The following CUX1 variants were observed in gnomAD, a reference collection of about 807,000 sequenced individuals.
CUX1 encodes the protein protein CASP.
In CUX1, 31 loss-of-function variants were observed where a neutral mutation model predicts 158.8. The observed-to-expected ratio is 0.20, with a 90% CI of 0.15 to 0.26. The LOEUF is 0.26. Ranked by LOEUF, CUX1 falls within the 10% of genes least tolerant of loss-of-function variation. The probability of loss-of-function intolerance (pLI) is 1.00; values close to 1 mark genes in which losing one functional copy is unlikely to be tolerated. For missense variants in CUX1, 1,589 were observed against 2,014.6 expected (o/e 0.79, Z 4.04); for synonymous variants, 879 against 862.1 (o/e 1.02, Z -0.34).
At chr7:101,984,149 T>C (rs1377201123) in intron 2 of CUX1, among the ~76,000 whole-genome samples, 1 of 47,168 alleles carries the variant, frequency 2.1e-5, no homozygotes, top group Non-Finnish European at 6.1e-5. Flanking sequence ...CATATATATA[T>C]GTGTGTGTGT....
intron 17 of CUX1, 68 bp downstream of exon 17, chr7:102,200,240 T>G: frequency 7.7e-7 from 1 of 1,296,386 alleles, no homozygotes; most frequent in Non-Finnish European, 1.1e-6. Context: ...AGTGCTCTGG[T>G]CAGCAGTAAT....
At chr7:102,037,374 C>T (rs1305113882) in intron 3 of CUX1, among the ~76,000 whole-genome samples, 3 of 126,364 alleles carry the variant, frequency 2.4e-5, no homozygotes, top group African/African-American at 6.1e-5. Context: ...TTTTTTGAGA[C>T]GGAGTTTTGT....
intron 1 of CUX1, among the ~76,000 whole-genome samples, chr7:101,908,095 G>A (rs1802961499): frequency 6.6e-6 from 1 of 152,152 alleles, no homozygotes; most frequent in Non-Finnish European, 1.5e-5. Context: ...TTCCCTCCCT[G>A]GTATGGATAC....
chr7:101,888,851 A>T (rs752244670), intron 1 of CUX1, among the ~76,000 whole-genome samples: 3 of 152,030 alleles, frequency 2.0e-5, no homozygotes, highest in Non-Finnish European at 4.4e-5. Flanking sequence ...CGGCCTCCCA[A>T]AGTGCCGGAA....
At chr7:102,108,060 A>T (rs1402822032) in intron 6 of CUX1, among the ~76,000 whole-genome samples, 2 of 152,208 alleles carry the variant, frequency 1.3e-5, no homozygotes, top group Non-Finnish European at 2.9e-5. Context: ...CCAGTGAGTG[A>T]TCAAGGGGGA....
chr7:102,098,099 C>T (rs991614350), intron 5 of CUX1, among the ~76,000 whole-genome samples: 1 of 152,236 alleles, frequency 6.6e-6, no homozygotes, highest in Non-Finnish European at 1.5e-5. Context: ...TACCTAAAAT[C>T]CAGAGGCACT....
intron 2 of CUX1, among the ~76,000 whole-genome samples, chr7:101,982,803 T>C (rs967044342): frequency 1.3e-5 from 2 of 151,988 alleles, no homozygotes; most frequent in African/African-American, 4.8e-5. Flanking sequence ...ATATGTACCA[T>C]GTTGGTGTGC....
rs1345743872 is a variant in CUX1, at chr7:102,008,666, GC to G, written c.142-19429del. ...CCCAGCCTGTCCTGCTCTGCTGGGG[GC>G]CCACATGCCTGGGGACAAGGCACCT... On this transcript the variant is annotated intron_variant, in intron 2 of 23. Transcript: ENST00000292535. 4.0e-5 allele frequency among the ~76,000 whole-genome samples: 6 copies of G among 151,626 alleles called. No homozygotes were observed. In the South Asian group the frequency reaches 1.3e-3, roughly 32 times the overall value.
chr7:102,217,924 G>A (rs1797417450), intron 20 of CUX1, among the ~76,000 whole-genome samples: 1 of 151,692 alleles, frequency 6.6e-6, no homozygotes, highest in African/African-American at 2.4e-5. Context: ...ATGGTGTCTA[G>A]AGAGAGGGAG....
chr7:101,854,994 C>T (rs938889593), intron 1 of CUX1, among the ~76,000 whole-genome samples: 1 of 152,222 alleles, frequency 6.6e-6, no homozygotes, highest in Non-Finnish European at 1.5e-5. Flanking sequence ...CTCAGCCTCC[C>T]GAAGTGCTGG....
At chr7:101,987,854 A>G (rs187586389) in intron 2 of CUX1, among the ~76,000 whole-genome samples, 4 of 152,352 alleles carry the variant, frequency 2.6e-5, no homozygotes, top group Admixed American at 1.3e-4. Flanking sequence ...TCCTAGAAGA[A>G]AGTCTAAACG....
At chr7:102,212,251 G>A (rs1049364551) in intron 20 of CUX1, among the ~76,000 whole-genome samples, 2 of 152,194 alleles carry the variant, frequency 1.3e-5, no homozygotes, top group Non-Finnish European at 2.9e-5. Flanking sequence ...GGCAGCCAGT[G>A]CTGAGTACCA....
At chr7:102,157,751 G>T (rs1789934239) in intron 8 of CUX1, among the ~76,000 whole-genome samples, 1 of 152,164 alleles carries the variant, frequency 6.6e-6, no homozygotes, top group Admixed American at 6.5e-5. Context: ...TTGCACTCCA[G>T]CCTGGGCGAC....
intron 20 of CUX1, among the ~76,000 whole-genome samples, chr7:102,209,235 A>G (rs544746753): frequency 6.6e-6 from 1 of 152,236 alleles, no homozygotes; most frequent in East Asian, 1.9e-4. Context: ...CCAATTTGCC[A>G]AAAAGGAGAG....
At chr7:102,216,658 CCCA>C (rs1554524867) in intron 20 of CUX1, among the ~76,000 whole-genome samples, 151 of 74,314 alleles carry the variant, frequency 2.0e-3, no homozygotes, top group Non-Finnish European at 4.1e-3. Context: ...CACACACTCT[CCCA>C]CACACACTCA....
chr7:101,900,867 C>T (rs1802068200), intron 1 of CUX1, among the ~76,000 whole-genome samples: 1 of 152,174 alleles, frequency 6.6e-6, no homozygotes, highest in South Asian at 2.1e-4. Flanking sequence ...ACCTCCCATC[C>T]GAACCCCAGA....
intron 1 of CUX1, among the ~76,000 whole-genome samples, chr7:101,820,973 G>A (rs1792406578): frequency 6.6e-6 from 1 of 152,164 alleles, no homozygotes; most frequent in African/African-American, 2.4e-5. Flanking sequence ...TTGCTTACCT[G>A]GACAAAGCAG....
At chr7:102,125,045 G>A (rs1161373834) in intron 8 of CUX1, among the ~76,000 whole-genome samples, 1 of 152,126 alleles carries the variant, frequency 6.6e-6, no homozygotes, top group Non-Finnish European at 1.5e-5. Flanking sequence ...GCCTTCTAAA[G>A]TGCTGGATTT....
At chr7:102,069,482 C>T (rs1825899439) in intron 3 of CUX1, among the ~76,000 whole-genome samples, 1 of 152,230 alleles carries the variant, frequency 6.6e-6, no homozygotes, top group African/African-American at 2.4e-5. Flanking sequence ...GACGCAGTGG[C>T]TCACGCCTGT....
Sources: allele counts gnomAD v4.1 joint callset (sites outside exome capture counted in the v4.1 genomes callset), GRCh38; gene constraint gnomAD v4.1.1; transcripts MANE v1.5; gene names NCBI Gene and HGNC (gene_info 2026-07-23, HGNC 2026-07-21).